RANBP2: variants seen among roughly 807,000 people sequenced by gnomAD.
The protein encoded by RANBP2 is RAN binding protein 2, also known as E3 SUMO-protein ligase RanBP2.
RANBP2 carries 57 observed loss-of-function variants against 303.6 expected under a neutral mutation model. That is an observed-to-expected ratio of 0.19 (90% CI 0.15 to 0.23). RANBP2 has a LOEUF of 0.23. RANBP2 is among the 10% of genes least tolerant of loss of function. The pLI, the probability that RANBP2 is intolerant of heterozygous loss-of-function variation, is 1.00. For synonymous variants in RANBP2, 1,167 were observed against 1,301.5 expected, an observed-to-expected ratio of 0.90 and a Z score of 2.23; for missense variants, 3,138 against 3,780.8, an observed-to-expected ratio of 0.83 and a Z score of 4.46.
In RANBP2 at chr2:108,751,855, T is replaced by C. The variant is rs147266881; in HGVS notation, c.1632-16T>C. The C allele has an allele frequency of 1.6e-3, 2,636 of 1,612,000 alleles. 33 individuals carry two copies. In the African/African-American group the frequency reaches 0.029, roughly 18 times the overall value. Reference sequence around the variant, plus strand: ...GTATTTAGAAAGCAATTTTAGTAAATTGAACTATTTTTTAGACCTGGAAAC... The same window carrying C: ...GTATTTAGAAAGCAATTTTAGTAAACTGAACTATTTTTTAGACCTGGAAAC... On this transcript the variant is annotated splice_polypyrimidine_tract_variant and intron_variant, in intron 11 of 28. Coordinates refer to ENST00000283195, the MANE Select transcript of RANBP2 (RefSeq NM_006267.5).
chr2:109,672,382 T>C, the RANBP2 span, among the ~76,000 whole-genome samples: 2 of 152,248 alleles, frequency 1.3e-5, no homozygotes, highest in Non-Finnish European at 2.9e-5. Context: ...ATTTTATTTC[T>C]CTGCCACCAT....
At chr2:109,201,022 G>A in the RANBP2 span, among the ~76,000 whole-genome samples, 1 of 152,174 alleles carries the variant, frequency 6.6e-6, no homozygotes, top group African/African-American at 2.4e-5. Context: ...AAGTGGCTGT[G>A]GGGACCTGGG....
chr2:108,898,518 A>G, the RANBP2 span, among the ~76,000 whole-genome samples: 1 of 152,218 alleles, frequency 6.6e-6, no homozygotes, highest in African/African-American at 2.4e-5. Flanking sequence ...TCATATCAGG[A>G]CATAAAACTA....
the RANBP2 span, among the ~76,000 whole-genome samples, chr2:109,249,858 T>A: frequency 4.1e-3 from 621 of 151,720 alleles, 4 homozygotes; most frequent in Admixed American, 6.1e-3. Flanking sequence ...TTAATTTTTT[T>A]ATTTTTTAGT....
the RANBP2 span, among the ~76,000 whole-genome samples, chr2:109,066,485 C>A: frequency 1.3e-5 from 2 of 152,308 alleles, no homozygotes; most frequent in East Asian, 3.9e-4. Flanking sequence ...CCCCCACCAA[C>A]TTGTCCCTCA....
the RANBP2 span, among the ~76,000 whole-genome samples, chr2:109,167,378 G>T: frequency 6.6e-6 from 1 of 152,164 alleles, no homozygotes; most frequent in Admixed American, 6.5e-5. Context: ...CTGATGCCTG[G>T]ACCATATTTG....
chr2:108,896,871 G>C, the RANBP2 span: 1 of 1,592,324 alleles, frequency 6.3e-7, no homozygotes, highest in Non-Finnish European at 8.6e-7. Context: ...TTGGCTCCTT[G>C]GCTTGTCCTG....
chr2:108,961,556 C>T, the RANBP2 span, among the ~76,000 whole-genome samples: 3 of 152,222 alleles, frequency 2.0e-5, no homozygotes, highest in East Asian at 5.8e-4. Context: ...GGTTGAACTG[C>T]TCTTTTGGTT....
the RANBP2 span, among the ~76,000 whole-genome samples, chr2:109,762,352 C>T: frequency 6.7e-6 from 1 of 150,252 alleles, no homozygotes; most frequent in African/African-American, 2.4e-5. Flanking sequence ...GTTTCTGGCG[C>T]AAATTCAATA....
chr2:109,685,136 G>T, the RANBP2 span, among the ~76,000 whole-genome samples: 11 of 152,138 alleles, frequency 7.2e-5, no homozygotes, highest in African/African-American at 2.7e-4. Flanking sequence ...GCCTCCCAAA[G>T]TGCTGGGATT....
At chr2:109,375,656 A>G in the RANBP2 span, among the ~76,000 whole-genome samples, 2 of 152,244 alleles carry the variant, frequency 1.3e-5, no homozygotes, top group African/African-American at 2.4e-5. Context: ...GTGAACTCAC[A>G]GGAGGATGGC....
chr2:109,701,631 G>A, the RANBP2 span, among the ~76,000 whole-genome samples: 3 of 152,152 alleles, frequency 2.0e-5, no homozygotes, highest in African/African-American at 7.2e-5. Flanking sequence ...CATGTGTCTC[G>A]GGTGAGCCTT....
At chr2:109,030,214 C>G in the RANBP2 span, among the ~76,000 whole-genome samples, 1 of 152,236 alleles carries the variant, frequency 6.6e-6, no homozygotes. Flanking sequence ...CAATCCTCCC[C>G]TGCACAGCCA....
chr2:109,206,191 C>T, the RANBP2 span, among the ~76,000 whole-genome samples: 10,000 of 152,032 alleles, frequency 0.066, 574 homozygotes, highest in East Asian at 0.2. Context: ...TAACTATGGT[C>T]GAGATTAGAG....
the RANBP2 span, among the ~76,000 whole-genome samples, chr2:109,152,385 G>C: frequency 6.6e-6 from 1 of 152,168 alleles, no homozygotes; most frequent in African/African-American, 2.4e-5. Context: ...TTTGTTAGCT[G>C]ACATGTACAG....
the RANBP2 span, among the ~76,000 whole-genome samples, chr2:108,978,362 C>T: frequency 6.6e-6 from 1 of 152,156 alleles, no homozygotes; most frequent in Non-Finnish European, 1.5e-5. Context: ...GGCCAGGTCT[C>T]CTATTAAGTA....
chr2:108,943,132 C>G, the RANBP2 span, among the ~76,000 whole-genome samples: 1 of 152,148 alleles, frequency 6.6e-6, no homozygotes, highest in Non-Finnish European at 1.5e-5. Context: ...TTGGATCCTT[C>G]CTGTCAAACT....
chr2:109,416,809 G>T, the RANBP2 span, among the ~76,000 whole-genome samples: 1 of 151,652 alleles, frequency 6.6e-6, no homozygotes, highest in Admixed American at 6.6e-5. Context: ...AGGAGGCTAA[G>T]TCGGGAGAAT....
chr2:109,616,236 A>T, the RANBP2 span: 2 of 1,112,094 alleles, frequency 1.8e-6, no homozygotes, highest in Non-Finnish European at 2.4e-6. Flanking sequence ...GGAAAAGTGG[A>T]TGTCTTTTTC....
Sources: gnomAD v4.1 joint callset for allele counts (sites outside exome capture counted in the v4.1 genomes callset) on GRCh38, gnomAD v4.1.1 for gene constraint, MANE v1.5 for transcripts, NCBI Gene and HGNC (gene_info 2026-07-23, HGNC 2026-07-21) for gene names.